The following TIMD4 variants were observed in gnomAD, a reference collection of about 807,000 sequenced individuals.
TIMD4 encodes T-cell immunoglobulin and mucin domain-containing protein 4.
TIMD4 carries 31 observed loss-of-function variants against 41.2 expected under a neutral mutation model. The ratio of observed to expected loss-of-function variants is 0.75; its 90% CI spans 0.57 to 1.01. TIMD4 has a LOEUF of 1.01. Ranked by LOEUF, TIMD4 falls within the 50% of genes least tolerant of loss-of-function variation. TIMD4 has a pLI of 0.00. For missense variants in TIMD4, 479 were observed against 472.5 expected (o/e 1.01, Z -0.13); for synonymous variants, 204 against 177.1 (o/e 1.15, Z -1.21).
rs371438073 is a variant in TIMD4 at position 156,932,895 on chromosome 5, TC to T, written c.845-6584del. 3.0e-3 allele frequency among the ~76,000 whole-genome samples: 457 copies of T among 151,988 alleles called. 1 individual carries two copies. The highest frequency in any genetic ancestry group is 0.011 in the African/African-American group (440 of 41,446). On this transcript the variant is annotated intron_variant, in intron 5 of 8. Coordinates refer to ENST00000274532, the MANE Select transcript of TIMD4 (RefSeq NM_138379.3). ...GGTGGGTGCCTGTAATCCCAGCTAC[TC>T]CGGAGGTTGAGGCAAGAGAATGGCT...
At chr5:156,936,318 T>C (rs141871131) in intron 5 of TIMD4, among the ~76,000 whole-genome samples, 1 of 152,286 alleles carries the variant, frequency 6.6e-6, no homozygotes, top group African/African-American at 2.4e-5. Flanking sequence ...CACTCAGAAT[T>C]ATTGATAACA....
chr5:156,925,219 A>G (rs1227262234), intron 6 of TIMD4, among the ~76,000 whole-genome samples: 2 of 152,196 alleles, frequency 1.3e-5, no homozygotes, highest in Non-Finnish European at 2.9e-5. Flanking sequence ...CTGAGGCAGG[A>G]GAATCGCTTG....
intron 1 of TIMD4, among the ~76,000 whole-genome samples, chr5:156,958,911 T>C (rs1760030557): frequency 6.6e-6 from 1 of 152,162 alleles, no homozygotes; most frequent in African/African-American, 2.4e-5. Context: ...CATTTAATGA[T>C]GAAAAGGGCA....
At chr5:156,951,477 C>T in intron 3 of TIMD4, 35 bp downstream of exon 3, 1 of 1,610,830 alleles carries the variant, frequency 6.2e-7, no homozygotes, top group Non-Finnish European at 8.5e-7. Flanking sequence ...AGTGAGACAG[C>T]ACTGTTCTAA....
At chr5:156,960,276 G>GT (rs1270936021) in intron 1 of TIMD4, among the ~76,000 whole-genome samples, 1 of 151,568 alleles carries the variant, frequency 6.6e-6, no homozygotes, top group African/African-American at 2.4e-5. Flanking sequence ...GACAAAGACA[G>GT]TAAAAAAAAA....
intron 5 of TIMD4, among the ~76,000 whole-genome samples, chr5:156,937,964 G>A (rs1759570922): frequency 6.6e-6 from 1 of 152,174 alleles, no homozygotes; most frequent in South Asian, 2.1e-4. Flanking sequence ...AATGGCATTG[G>A]TGAGTACAAA....
At chr5:156,959,991 C>T (rs527924093) in intron 1 of TIMD4, among the ~76,000 whole-genome samples, 1 of 151,560 alleles carries the variant, frequency 6.6e-6, no homozygotes, top group East Asian at 1.9e-4. Flanking sequence ...TGCAGTGAGC[C>T]GAGATTGCAC....
At chr5:156,941,357 G>C (rs1759649591) in intron 5 of TIMD4, among the ~76,000 whole-genome samples, 1 of 152,214 alleles carries the variant, frequency 6.6e-6, no homozygotes, top group Admixed American at 6.5e-5. Flanking sequence ...TCATGACTCT[G>C]AAATAAAATA....
chr5:156,958,291 G>C (rs561698213), intron 1 of TIMD4, among the ~76,000 whole-genome samples: 1 of 131,640 alleles, frequency 7.6e-6, no homozygotes, highest in Admixed American at 8.8e-5. Context: ...GAAAGAAAGA[G>C]AGAAAGAAAG....
rs143349090 is a variant in TIMD4 at position 156,952,019 on chromosome 5, G to C, written c.401-229C>G. ...TCATTTAAAATGTTGGCCAGGTGCA[G>C]TGGTTCACACCTGTAATCCCAGCAC... On this transcript the variant is annotated intron_variant, in intron 2 of 8. Transcript: ENST00000274532. Among the ~76,000 whole-genome samples the C allele has an allele frequency of 8.9e-3, 1,353 of 152,234 alleles. 19 individuals are homozygous for C. Among genetic ancestry groups the C allele is most frequent in the African/African-American group, 0.031 (1,283 of 41,518 alleles).
intron 5 of TIMD4, among the ~76,000 whole-genome samples, chr5:156,945,749 G>A (rs769795727): frequency 2.0e-5 from 3 of 152,132 alleles, no homozygotes; most frequent in Non-Finnish European, 4.4e-5. Flanking sequence ...TCAGATTAGA[G>A]AACCAGATAA....
intron 5 of TIMD4, among the ~76,000 whole-genome samples, chr5:156,944,357 T>C (rs1417942811): frequency 1.3e-5 from 2 of 152,222 alleles, no homozygotes; most frequent in Non-Finnish European, 2.9e-5. Context: ...CAATTATGCA[T>C]ATCATTTCAG....
chr5:156,944,656 C>A (rs975444657), intron 5 of TIMD4, among the ~76,000 whole-genome samples: 3 of 152,108 alleles, frequency 2.0e-5, no homozygotes, highest in African/African-American at 7.2e-5. Context: ...AGGTGCCCGC[C>A]ACCACGCCTG....
chr5:156,941,626 C>T (rs1295936179), intron 5 of TIMD4, among the ~76,000 whole-genome samples: 1 of 152,124 alleles, frequency 6.6e-6, no homozygotes, highest in Non-Finnish European at 1.5e-5. Flanking sequence ...TCATTTTCAC[C>T]TCTTCCATCT....
At chr5:156,934,010 C>T (rs574340582) in intron 5 of TIMD4, among the ~76,000 whole-genome samples, 1 of 152,322 alleles carries the variant, frequency 6.6e-6, no homozygotes, top group South Asian at 2.1e-4. Flanking sequence ...GCTATGCTTA[C>T]CGTGGTACAC....
In TIMD4 at chr5:156,940,792, G is replaced by A. The variant is rs374628127; in HGVS notation, c.844+7624C>T. On this transcript the variant is annotated intron_variant, in intron 5 of 8. Transcript: ENST00000274532. ...TGGGAGGTAGGGGGCACCCCCGCCC[G>A]GCAGCCGCCCCGTCTGGGAGGTGTA... Among the ~76,000 whole-genome samples the A allele has an allele frequency of 1.0e-3, 158 of 152,172 alleles. 12 individuals are homozygous for A. In the East Asian group the frequency reaches 0.016, roughly 15 times the overall value.
chr5:156,947,101 G>A (rs1427252524), intron 5 of TIMD4, among the ~76,000 whole-genome samples: 9 of 152,006 alleles, frequency 5.9e-5, no homozygotes. Flanking sequence ...AGAAGGCTAA[G>A]GCACGAGAAT....
chr5:156,946,300 A>G (rs1044718944), intron 5 of TIMD4, among the ~76,000 whole-genome samples: 1 of 151,970 alleles, frequency 6.6e-6, no homozygotes, highest in Admixed American at 6.6e-5. Flanking sequence ...TTGGCACCCC[A>G]TTTCCCTTAA....
Position 156,951,569 on chromosome 5 carries a change from C to A in TIMD4, c.622G>T (p.Glu208Ter). 6.2e-7 allele frequency: 1 copy of A among 1,614,120 alleles called. No individual in the cohort carries two copies. The highest frequency in any genetic ancestry group is 8.5e-7 in the Non-Finnish European group (1 of 1,180,008). The change falls in exon 3 of 9, where the codon GAA becomes TAA. Residue 208 changes from glutamate to a stop codon, truncating the protein, a stop_gained. Transcript: ENST00000274532. LOFTEE classifies it high-confidence loss of function. ...LSLTPSTLPE[E>*]ATGLLTPEPS... ...TCGGGAGTCAGAAGACCTGTGGCTT[C>A]CTCCGGAAGGGTGCTTGGGGTTAGT...
Sources: allele counts gnomAD v4.1 joint callset (sites outside exome capture counted in the v4.1 genomes callset), GRCh38; gene constraint gnomAD v4.1.1; transcripts MANE v1.5; gene names NCBI Gene and HGNC (gene_info 2026-07-23, HGNC 2026-07-21).